CNDP1: variants seen among roughly 807,000 people sequenced by gnomAD.
CNDP1 encodes beta-Ala-His dipeptidase.
CNDP1 carries 44 observed loss-of-function variants against 58.1 expected under a neutral mutation model. The observed-to-expected ratio is 0.76, with a 90% confidence interval of 0.60 to 0.97. The LOEUF (loss-of-function observed/expected upper bound fraction) is 0.97. Ranked by LOEUF, CNDP1 falls within the 50% of genes least tolerant of loss-of-function variation. The pLI is 0.00. For missense variants in CNDP1, 616 were observed against 655.1 expected (o/e 0.94, Z 0.65); for synonymous variants, 254 against 252.6 (o/e 1.01, Z -0.05).
At chr18:74,536,595 G>A (rs889458061) in intron 1 of CNDP1, among the ~76,000 whole-genome samples, 1 of 152,196 alleles carries the variant, frequency 6.6e-6, no homozygotes, top group African/African-American at 2.4e-5. Flanking sequence ...TAGTGCTGCA[G>A]TTAACATTCA....
At chr18:74,540,940 G>A (rs1440756720) in intron 1 of CNDP1, among the ~76,000 whole-genome samples, 1 of 152,238 alleles carries the variant, frequency 6.6e-6, no homozygotes, top group Non-Finnish European at 1.5e-5. Flanking sequence ...TCAAATTTCA[G>A]ATCTGGCTTC....
At position 74,579,188 on chromosome 18, in the gene CNDP1, T is replaced by TTC. The variant is rs1568300947; in HGVS notation, c.1167+861_1167+862insTC. On this transcript the variant is annotated intron_variant, in intron 9 of 11. Coordinates refer to ENST00000358821, the MANE Select transcript of CNDP1 (RefSeq NM_032649.6). The stretch of plus-strand genomic sequence containing the variant: ...CTCTCTCCCTTCTCCCTTCTCCCTT[T>TTC]CCTTCCCTTCCCTTGCCTTCCCTTC... 9.1e-4 allele frequency among the ~76,000 whole-genome samples: 108 copies of TTC among 118,516 alleles called. 1 individual carries two copies. The highest frequency in any genetic ancestry group is 1.5e-3 in the Non-Finnish European group (83 of 56,404). The allele number at this position is 118,516 out of a possible 152,430, so 77.8% of individuals were successfully genotyped here. A position where few individuals can be genotyped will look rare whatever the true frequency, so the allele number is the denominator to read the frequency against.
chr18:74,540,774 C>T (rs575828670), intron 1 of CNDP1, among the ~76,000 whole-genome samples: 1 of 152,188 alleles, frequency 6.6e-6, no homozygotes, highest in Non-Finnish European at 1.5e-5. Flanking sequence ...CATGAGTGCT[C>T]GGCTCAGTGC....
In CNDP1 at chr18:74,580,795, C is replaced by T. The variant is rs577891235; in HGVS notation, c.1309+524C>T. Among the ~76,000 whole-genome samples, 31 of 152,192 alleles carry T rather than the reference C, an allele frequency of 2.0e-4. 2 individuals are homozygous for T. The South Asian group carries it at 5.6e-3, about 28-fold the overall frequency. On this transcript the variant is annotated intron_variant, in intron 10 of 11. Coordinates refer to ENST00000358821, the MANE Select transcript of CNDP1 (RefSeq NM_032649.6). ...CCAGCCTGGGCAATATGGTGAGACC[C>T]CCATCTCTATAAAAAATATAAAAAT...
intron 9 of CNDP1, among the ~76,000 whole-genome samples, chr18:74,578,912 A>G (rs1054549975): frequency 6.6e-6 from 1 of 152,208 alleles, no homozygotes; most frequent in African/African-American, 2.4e-5. Context: ...TTATGTGTCC[A>G]AATTACCAAC....
At chr18:74,534,814 C>T (rs977146270) in intron 1 of CNDP1, 123 bp downstream of exon 1, 4 of 1,000,476 alleles carry the variant, frequency 4.0e-6, no homozygotes, top group South Asian at 1.3e-5. Context: ...AGATGCTGCT[C>T]CTCATGGTGT....
Position 74,577,000 on chromosome 18 carries a change from C to G in CNDP1, c.973C>G (p.Arg325Gly), listed in dbSNP as rs751757375. 1 of 1,612,748 alleles carries G rather than the reference C, an allele frequency of 6.2e-7. No individual in the cohort carries two copies. The highest frequency in any genetic ancestry group is 1.1e-5 in the South Asian group (1 of 90,574). Residue 325 changes from arginine (R) to glycine (G), a missense_variant, in exon 8 of 12, where the codon CGG (arginine) becomes GGG (glycine). Physicochemically the swap from Arg to Gly is moderately radical, Grantham distance 125 (BLOSUM62 -2). Coordinates refer to ENST00000358821, the MANE Select transcript of CNDP1 (RefSeq NM_032649.6). ...LDLEEYRNSS[R>G]VEKFLFDTKE... ...CCTAGAAGAATACCGGAATAGCAGC[C>G]GGGTTGAGAAATTTCTGTTCGATAC...
intron 1 of CNDP1, among the ~76,000 whole-genome samples, 165 bp from the exon 2 acceptor site, chr18:74,556,173 C>G (rs761674544): frequency 6.6e-6 from 1 of 152,156 alleles, no homozygotes; most frequent in Admixed American, 6.5e-5. Flanking sequence ...TGGGGAAGGA[C>G]GTAGCAAAAA....
At chr18:74,578,115 C>T (rs1568300560) in intron 8 of CNDP1, 48 bp from the exon 9 acceptor site, 3 of 1,529,632 alleles carry the variant, frequency 2.0e-6, no homozygotes, top group South Asian at 2.4e-5. Flanking sequence ...AACCCAGGTC[C>T]ACTGGGTTCT....
intron 5 of CNDP1, among the ~76,000 whole-genome samples, chr18:74,565,129 G>C (rs941943833): frequency 6.6e-6 from 1 of 152,190 alleles, no homozygotes; most frequent in East Asian, 1.9e-4. Context: ...TAGATCTCAT[G>C]AGACTTATTC....
intron 1 of CNDP1, among the ~76,000 whole-genome samples, chr18:74,553,614 A>T (rs145891843): frequency 2.0e-3 from 311 of 152,340 alleles, no homozygotes; most frequent in Non-Finnish European, 3.8e-3. Flanking sequence ...TCCAATTGAT[A>T]TGTATGTGTG....
rs529094306 is a variant in CNDP1 at position 74,560,315 on chromosome 18, G to A, written c.304-541G>A. Among the ~76,000 whole-genome samples, 13 of 152,270 alleles carry A rather than the reference G, an allele frequency of 8.5e-5. 1 individual carries two copies. The highest frequency in any genetic ancestry group is 6.2e-4 in the South Asian group (3 of 4,820). On this transcript the variant is annotated intron_variant, in intron 3 of 11. Coordinates refer to ENST00000358821, the MANE Select transcript of CNDP1 (RefSeq NM_032649.6). The stretch of plus-strand genomic sequence containing the variant: ...AGGCATGAGCCACCGTGCCCGGCCC[G>A]TCTGCATTCTTGCTGAAGAGGACAT...
chr18:74,568,136 A>C lies in CNDP1; in HGVS notation c.756+703A>C, dbSNP rs368060402. ...AAAGTCCCTCCCGGGTAAATAGCTA[A>C]TTATTTCATCATTTCAATCTGTTTT... On this transcript the variant is annotated intron_variant, in intron 6 of 11. Coordinates refer to ENST00000358821, the MANE Select transcript of CNDP1 (RefSeq NM_032649.6). Among the ~76,000 whole-genome samples the C allele has an allele frequency of 1.1e-4, 16 of 152,308 alleles. 1 individual carries two copies. In the South Asian group the frequency reaches 3.3e-3, roughly 32 times the overall value.
At chr18:74,541,441 A>T (rs1192075592) in intron 1 of CNDP1, among the ~76,000 whole-genome samples, 2 of 151,898 alleles carry the variant, frequency 1.3e-5, no homozygotes, top group Non-Finnish European at 2.9e-5. Context: ...TGGTATCTGG[A>T]GGGTGGGTGG....
rs919530856 is a variant in CNDP1, at chr18:74,585,654, CATTT to C, written c.*1094_*1097del. ...TATTTAAATCACATTAATGGAGAAT[CATTT>C]AGGGGCTTATTAAAATTTTTTTCTA... On this transcript the variant is annotated 3_prime_UTR_variant, in exon 12 of 12. Coordinates refer to ENST00000358821, the MANE Select transcript of CNDP1 (RefSeq NM_032649.6). 1 of 152,066 alleles carries C rather than the reference CATTT, an allele frequency of 6.6e-6. No homozygotes were observed. The highest frequency in any genetic ancestry group is 2.4e-5 in the African/African-American group (1 of 41,408). 9.4% of individuals were successfully genotyped at this position (152,066 alleles called of 1,614,324 possible). A position where few individuals can be genotyped will look rare whatever the true frequency, so the allele number is the denominator to read the frequency against.
In CNDP1 at chr18:74,576,867, A is replaced by G. The variant is rs1568300133; in HGVS notation, c.842-2A>G. Reference sequence around the variant, plus strand: ...GCTTTGTTTTCTGTGTGTGTTTTGTAGGTAGCCTGGTAGACTCGTCTGGTC... The same window carrying G: ...GCTTTGTTTTCTGTGTGTGTTTTGTGGGTAGCCTGGTAGACTCGTCTGGTC... On this transcript the variant is annotated splice_acceptor_variant, in intron 7 of 11. Coordinates refer to ENST00000358821, the MANE Select transcript of CNDP1 (RefSeq NM_032649.6). LOFTEE classifies it high-confidence loss of function. The G allele has an allele frequency of 1.2e-6, 2 of 1,604,492 alleles. No individual in the cohort carries two copies. The highest frequency in any genetic ancestry group is 8.5e-7 in the Non-Finnish European group (1 of 1,176,050).
intron 7 of CNDP1, chr18:74,576,287 C>G (rs1292292556): frequency 6.6e-6 from 1 of 151,782 alleles, no homozygotes; most frequent in Non-Finnish European, 1.5e-5. Context: ...ACCTCAGCTT[C>G]CCAAGTAGCT....
Position 74,534,555 on chromosome 18 carries a change from G to A in CNDP1, c.-113G>A, listed in dbSNP as rs1980435627. The A allele has an allele frequency of 1.8e-6, 2 of 1,123,318 alleles. No individual in the cohort carries two copies. The highest frequency in any genetic ancestry group is 2.6e-5 in the South Asian group (2 of 76,788). 69.6% of individuals were successfully genotyped at this position (1,123,318 alleles called of 1,614,324 possible). A position where few individuals can be genotyped will look rare whatever the true frequency, so the allele number is the denominator to read the frequency against. ...GTCTTCCTTCCGGGGGACAACGTGG[G>A]TCAGGGCACAGAGAGATATTTAATG... On this transcript the variant is annotated 5_prime_UTR_variant, in exon 1 of 12. Coordinates refer to ENST00000358821, the MANE Select transcript of CNDP1 (RefSeq NM_032649.6).
At chr18:74,574,986 G>GA (rs139754028) in intron 7 of CNDP1, among the ~76,000 whole-genome samples, 3,087 of 132,368 alleles carry the variant, frequency 0.023, 116 homozygotes, top group African/African-American at 0.08. Context: ...AAGAAACAGA[G>GA]AAAAGGAAGA....
Sources: gnomAD v4.1 joint callset for allele counts (sites outside exome capture counted in the v4.1 genomes callset) on GRCh38, gnomAD v4.1.1 for gene constraint, MANE v1.5 for transcripts, NCBI Gene and HGNC (gene_info 2026-07-23, HGNC 2026-07-21) for gene names.